The following KY variants were observed in gnomAD, a reference collection of about 807,000 sequenced individuals.
The protein encoded by KY is kyphoscoliosis peptidase.
A neutral mutation model predicts 76.1 loss-of-function variants in KY; 43 were observed. That is an observed-to-expected ratio of 0.57 (90% CI 0.44 to 0.73). The LOEUF (loss-of-function observed/expected upper bound fraction) is 0.73, where lower values mean the gene tolerates loss of function less well. Among genes scored for constraint, KY ranks in the 30% least tolerant of loss-of-function variants. KY has a pLI of 0.00. For missense variants in KY, 722 were observed against 828.9 expected, an observed-to-expected ratio of 0.87 and a Z score of 1.58; for synonymous variants, 277 against 326.2, an observed-to-expected ratio of 0.85 and a Z score of 1.63.
intron 8 of KY, among the ~76,000 whole-genome samples, chr3:134,615,958 G>T (rs1961485423): frequency 6.6e-6 from 1 of 152,186 alleles, no homozygotes; most frequent in Admixed American, 6.5e-5. Flanking sequence ...CAGTGTCAGG[G>T]CTCAAACTCG....
At chr3:134,604,902 T>C (rs1178554461) in intron 10 of KY, among the ~76,000 whole-genome samples, 1 of 152,204 alleles carries the variant, frequency 6.6e-6, no homozygotes, top group Non-Finnish European at 1.5e-5. Flanking sequence ...AGCATCTGTC[T>C]AAGTGTCAAT....
At chr3:134,630,085 G>T (rs907616879) in intron 3 of KY, among the ~76,000 whole-genome samples, 1 of 152,206 alleles carries the variant, frequency 6.6e-6, no homozygotes, top group African/African-American at 2.4e-5. Context: ...ATCTAGACTG[G>T]ACTTAAAGGC....
intron 3 of KY, among the ~76,000 whole-genome samples, chr3:134,635,351 G>T (rs1964791186): frequency 6.6e-6 from 1 of 152,022 alleles, no homozygotes; most frequent in Non-Finnish European, 1.5e-5. Flanking sequence ...ACAAAGATTA[G>T]CTGGGCATGG....
At chr3:134,633,050 C>T (rs1964437083) in intron 3 of KY, among the ~76,000 whole-genome samples, 1 of 152,040 alleles carries the variant, frequency 6.6e-6, no homozygotes, top group African/African-American at 2.4e-5. Context: ...CTAACTACCA[C>T]AAAACTCATA....
chr3:134,608,210 A>T, intron 10 of KY: 1 of 1,184,334 alleles, frequency 8.4e-7, no homozygotes, highest in African/African-American at 1.6e-5. Flanking sequence ...GCAGGCCAGT[A>T]GCTTCTGTTG....
At chr3:134,613,477 C>T (rs9838621) in intron 8 of KY, among the ~76,000 whole-genome samples, 94,826 of 151,342 alleles carry the variant, frequency 0.63, 30,129 homozygotes, top group East Asian at 0.87. Flanking sequence ...GGGGTGATGG[C>T]CCCTGAGCCA....
chr3:134,650,627 GCTGCGCGTTGCCACGGGA>G (rs964613049), intron 1 of KY, among the ~76,000 whole-genome samples, 180 bp downstream of exon 1: 14 of 152,256 alleles, frequency 9.2e-5, no homozygotes, highest in Admixed American at 3.9e-4. Context: ...CAATCACGGG[GCTGCGCGTTGCCACGGGA>G]CTGCGCGTTG....
At position 134,627,659 on chromosome 3, in the gene KY, A is replaced by G; in HGVS notation, c.400+97T>C. On this transcript the variant is annotated intron_variant, in intron 5 of 10. Coordinates refer to ENST00000423778, the MANE Select transcript of KY (RefSeq NM_178554.6). ...CCAAAGGTGGCCCCAGCCTCTCAGCATAGTGGCCCAGGAAGCAACTGTCAA... is the reference window on the plus strand; with the variant it reads ...CCAAAGGTGGCCCCAGCCTCTCAGCGTAGTGGCCCAGGAAGCAACTGTCAA... 3.7e-6 allele frequency: 4 copies of G among 1,090,706 alleles called. No individual in the cohort carries two copies. In the South Asian group the frequency reaches 3.9e-5, roughly 11 times the overall value. 67.6% of individuals were successfully genotyped at this position (1,090,706 alleles called of 1,614,324 possible).
Position 134,604,297 on chromosome 3 carries a change from T to C in KY, c.1268A>G (p.Asp423Gly). The C allele has an allele frequency of 1.2e-6, 2 of 1,613,970 alleles. No individual in the cohort carries two copies. Among genetic ancestry groups the C allele is most frequent in the African/African-American group, 2.7e-5 (2 of 75,036 alleles). Residue 423 changes from aspartate to glycine, a missense_variant, in exon 11 of 11, where the codon GAC becomes GGC. Coordinates refer to ENST00000423778, the MANE Select transcript of KY (RefSeq NM_178554.6). ...GTACTCCAGCACTGAGCTGTAGATG[T>C]CGGAGTTGCCCTTGGCAAAGATCTG... Reference protein sequence around the residue: ...KLQIFAKGNSDIYSSVLEYTL... With the variant: ...KLQIFAKGNSGIYSSVLEYTL...
At position 134,647,069 on chromosome 3, in the gene KY, C is replaced by T. The variant is rs529625441; in HGVS notation, c.199+366G>A. On this transcript the variant is annotated intron_variant, in intron 2 of 10. Transcript: ENST00000423778. Reference sequence around the variant, plus strand: ...TCAAGTCATACTGTCCCAAGGCAGACGACTATCCTCTCTGTTGGGAAACAT... The same window carrying T: ...TCAAGTCATACTGTCCCAAGGCAGATGACTATCCTCTCTGTTGGGAAACAT... 1.1e-4 allele frequency among the ~76,000 whole-genome samples: 17 copies of T among 152,332 alleles called. No individual in the cohort carries two copies. In the East Asian group the frequency reaches 1.4e-3, roughly 12 times the overall value.
intron 2 of KY, among the ~76,000 whole-genome samples, chr3:134,645,445 G>C (rs1015183817): frequency 6.6e-6 from 1 of 152,216 alleles, no homozygotes; most frequent in Non-Finnish European, 1.5e-5. Context: ...AAGCCATCCA[G>C]TTACCAGGGC....
At chr3:134,628,457 G>C (rs1963760176) in intron 4 of KY, among the ~76,000 whole-genome samples, 1 of 152,204 alleles carries the variant, frequency 6.6e-6, no homozygotes, top group Admixed American at 6.5e-5. Flanking sequence ...GTTGAAGGTG[G>C]GGATGCCAAG....
At chr3:134,615,177 T>C (rs373293354) in intron 8 of KY, 40 of 152,436 alleles carry the variant, frequency 2.6e-4, no homozygotes, top group African/African-American at 9.6e-4. Context: ...AATAATTCTC[T>C]CTCCAGGGCC....
At chr3:134,618,688 C>T (rs190308624) in intron 8 of KY, among the ~76,000 whole-genome samples, 47 of 152,312 alleles carry the variant, frequency 3.1e-4, no homozygotes, top group Non-Finnish European at 5.9e-4. Flanking sequence ...CAAGAGTAGC[C>T]GCTTCGTAGT....
Position 134,627,791 on chromosome 3 carries a change from G to C in KY, c.365C>G (p.Thr122Arg), listed in dbSNP as rs1963659660. The change falls in exon 5 of 11, where the codon ACA becomes AGA. Residue 122 changes from threonine (T) to arginine (R), a missense_variant. By Grantham distance (71) the Thr-to-Arg change is moderately conservative. Coordinates refer to ENST00000423778, the MANE Select transcript of KY (RefSeq NM_178554.6). ...TTTCCCTCCAGGTTGCCGGGGTCTT[G>C]TGTTTCCATTTTTATCACCTTGTAA... ...KRLQGDKNGN[T>R]RPRQPGGKDA... is the part of the protein sequence containing the mutation. 1 of 1,613,882 alleles carries C rather than the reference G, an allele frequency of 6.2e-7. No homozygotes were observed. Among genetic ancestry groups the C allele is most frequent in the Non-Finnish European group, 8.5e-7 (1 of 1,179,768 alleles).
At chr3:134,617,740 A>G (rs1308377731) in intron 8 of KY, among the ~76,000 whole-genome samples, 1 of 152,168 alleles carries the variant, frequency 6.6e-6, no homozygotes, top group Non-Finnish European at 1.5e-5. Context: ...AGGAAGGGGA[A>G]GGTTGTGGGC....
intron 8 of KY, among the ~76,000 whole-genome samples, chr3:134,611,471 G>C (rs367557049): frequency 6.6e-6 from 1 of 152,362 alleles, no homozygotes; most frequent in East Asian, 1.9e-4. Context: ...TTCACTGCTA[G>C]TCTGACCTAG....
intron 8 of KY, among the ~76,000 whole-genome samples, chr3:134,614,870 G>T (rs75917888): frequency 7.2e-5 from 11 of 152,256 alleles, no homozygotes; most frequent in African/African-American, 2.6e-4. Context: ...GGCTCTGACC[G>T]CAGTAGACTT....
Position 134,647,491 on chromosome 3 carries a change from T to C in KY, c.143A>G (p.Gln48Arg). ...TCTTCGGACTCCATTTCCAACACCT[T>C]GGAATCCTGCAAAATAACAAGCTTC... Reference protein sequence around the residue: ...SSLLQRGGGFQGVGNGVRRWQ... With the variant: ...SSLLQRGGGFRGVGNGVRRWQ... Residue 48 changes from glutamine (Q) to arginine (R), a missense_variant, in exon 2 of 11, where the codon CAA (glutamine) becomes CGA (arginine). Physicochemically the swap from Gln to Arg is conservative, Grantham distance 43 (BLOSUM62 1). Transcript: ENST00000423778. 6.2e-7 allele frequency: 1 copy of C among 1,608,354 alleles called. No homozygotes were observed. The highest frequency in any genetic ancestry group is 8.5e-7 in the Non-Finnish European group (1 of 1,175,426).
Sources: gnomAD v4.1 joint callset for allele counts (sites outside exome capture counted in the v4.1 genomes callset) on GRCh38, gnomAD v4.1.1 for gene constraint, MANE v1.5 for transcripts, NCBI Gene and HGNC (gene_info 2026-07-23, HGNC 2026-07-21) for gene names.